Variants in KCNK13 observed in about 807,000 individuals in gnomAD.
KCNK13 encodes the protein potassium two pore domain channel subfamily K member 13, also known as potassium channel subfamily K member 13.
Under a neutral mutation model 23.4 loss-of-function variants are expected in KCNK13, and 12 were observed. The observed-to-expected ratio is 0.51, with a 90% CI of 0.33 to 0.83. The LOEUF (loss-of-function observed/expected upper bound fraction) is 0.83. KCNK13 is among the 40% of genes least tolerant of loss of function. The probability of loss-of-function intolerance (pLI) is 0.02; values close to 1 mark genes in which losing one functional copy is unlikely to be tolerated. For missense variants in KCNK13, 463 were observed against 556.3 expected, an observed-to-expected ratio of 0.83 and a Z score of 1.69; for synonymous variants, 231 against 229.5, an observed-to-expected ratio of 1.01 and a Z score of -0.06.
intron 1 of KCNK13, among the ~76,000 whole-genome samples, chr14:90,163,597 T>G (rs776463607): frequency 5.3e-5 from 8 of 152,210 alleles, no homozygotes; most frequent in Non-Finnish European, 1.0e-4. Context: ...GCACATCAGG[T>G]GCAGGATGAA....
chr14:90,170,059 A>G (rs1754800523), intron 1 of KCNK13, among the ~76,000 whole-genome samples: 2 of 152,182 alleles, frequency 1.3e-5, no homozygotes, highest in Admixed American at 1.3e-4. Context: ...CCAAACCCAC[A>G]AGCATGGAAA....
intron 1 of KCNK13, among the ~76,000 whole-genome samples, chr14:90,101,078 G>A (rs1014467496): frequency 3.9e-5 from 6 of 152,088 alleles, no homozygotes; most frequent in Admixed American, 3.3e-4. Flanking sequence ...TATGTCATTC[G>A]AGGTACTTCA....
intron 1 of KCNK13, among the ~76,000 whole-genome samples, chr14:90,073,630 A>G (rs1384532096): frequency 6.6e-6 from 1 of 152,084 alleles, no homozygotes; most frequent in African/African-American, 2.4e-5. Flanking sequence ...GGGCTGCCTC[A>G]AGGGCCAAGA....
intron 1 of KCNK13, among the ~76,000 whole-genome samples, chr14:90,112,006 C>T (rs1335115217): frequency 1.3e-5 from 2 of 152,160 alleles, no homozygotes; most frequent in African/African-American, 2.4e-5. Flanking sequence ...TTGGGGCTGG[C>T]CCCACCCTGA....
At chr14:90,163,141 G>A (rs1890268466) in intron 1 of KCNK13, among the ~76,000 whole-genome samples, 2 of 152,182 alleles carry the variant, frequency 1.3e-5, no homozygotes, top group Non-Finnish European at 1.5e-5. Flanking sequence ...CTCCACATCT[G>A]GCATGTAGTA....
At chr14:90,177,766 C>T (rs1596812416) in intron 1 of KCNK13, among the ~76,000 whole-genome samples, 1 of 152,258 alleles carries the variant, frequency 6.6e-6, no homozygotes, top group Non-Finnish European at 1.5e-5. Flanking sequence ...GCATCATATT[C>T]TAAAGTCACC....
At chr14:90,150,396 A>T (rs74080616) in intron 1 of KCNK13, among the ~76,000 whole-genome samples, 9,877 of 152,184 alleles carry the variant, frequency 0.065, 412 homozygotes, top group South Asian at 0.21. Context: ...AAGGACTGTT[A>T]GCGGCCAGGA....
At chr14:90,127,345 G>A (rs1889812805) in intron 1 of KCNK13, among the ~76,000 whole-genome samples, 1 of 152,084 alleles carries the variant, frequency 6.6e-6, no homozygotes, top group Non-Finnish European at 1.5e-5. Context: ...ATTTTCTGCA[G>A]GGAATGAAAC....
chr14:90,093,209 C>T (rs1410401530), intron 1 of KCNK13, among the ~76,000 whole-genome samples: 1 of 152,160 alleles, frequency 6.6e-6, no homozygotes, highest in East Asian at 1.9e-4. Flanking sequence ...GAAAGAGAGG[C>T]AGATCCGCTT....
chr14:90,106,617 ATTT>A (rs2045799679), intron 1 of KCNK13, among the ~76,000 whole-genome samples: 1 of 152,142 alleles, frequency 6.6e-6, no homozygotes, highest in South Asian at 2.1e-4. Flanking sequence ...TTTTATAAAT[ATTT>A]ATTATCCTGA....
chr14:90,072,126 CTT>C (rs1881462440), intron 1 of KCNK13, among the ~76,000 whole-genome samples: 1 of 152,112 alleles, frequency 6.6e-6, no homozygotes, highest in South Asian at 2.1e-4. Context: ...TTTTTTGCCT[CTT>C]TTGGTTCAGC....
At chr14:90,137,300 T>A (rs1270389536) in intron 1 of KCNK13, among the ~76,000 whole-genome samples, 3 of 151,452 alleles carry the variant, frequency 2.0e-5, no homozygotes, top group African/African-American at 7.3e-5. Flanking sequence ...TTATTTTATT[T>A]TATTATTTAT....
chr14:90,178,231 C>CAAAAGA (rs1890444842), intron 1 of KCNK13, among the ~76,000 whole-genome samples: 2 of 75,072 alleles, frequency 2.7e-5, no homozygotes, highest in African/African-American at 9.0e-5. Flanking sequence ...TTCCTAAAAG[C>CAAAAGA]AAAAAAAAAA....
intron 1 of KCNK13, among the ~76,000 whole-genome samples, chr14:90,064,969 C>A (rs946315050): frequency 6.6e-6 from 1 of 152,020 alleles, no homozygotes; most frequent in Non-Finnish European, 1.5e-5. Context: ...GCATAACACT[C>A]CCCCGTTATA....
chr14:90,185,046 G>A lies in KCNK13; in HGVS notation c.*43G>A, dbSNP rs755353141. ...TGGGCAGAGGCCAGAGTAGAATGGA[G>A]GATGATTGCCGCCCAGGGGACGAGC... On this transcript the variant is annotated 3_prime_UTR_variant, in exon 2 of 2. Coordinates refer to ENST00000282146, the MANE Select transcript of KCNK13 (RefSeq NM_022054.4). 2 of 1,483,096 alleles carry A rather than the reference G, an allele frequency of 1.3e-6. No homozygotes were observed. The highest frequency in any genetic ancestry group is 2.8e-5 in the African/African-American group (2 of 71,832). The allele number at this position is 1,483,096 out of a possible 1,614,324, so 91.9% of individuals were successfully genotyped here.
At chr14:90,125,930 G>A (rs1889794508) in intron 1 of KCNK13, among the ~76,000 whole-genome samples, 1 of 151,772 alleles carries the variant, frequency 6.6e-6, no homozygotes, top group African/African-American at 2.4e-5. Context: ...ATGCTGAGAT[G>A]GGAGGATCAC....
rs143649826 is a variant in KCNK13 at position 90,115,320 on chromosome 14, G to A, written c.334+52781G>A. Among the ~76,000 whole-genome samples the A allele has an allele frequency of 9.9e-4, 150 of 152,266 alleles. 1 individual carries two copies. The highest frequency in any genetic ancestry group is 2.7e-3 in the Admixed American group (41 of 15,304). ...CACATGATTCTGGAAGAGCCAGCCC[G>A]CTCCTGCTGGTCACTGGGCTCCACT... On this transcript the variant is annotated intron_variant, in intron 1 of 1. Transcript: ENST00000282146.
At chr14:90,174,410 C>A (rs909019561) in intron 1 of KCNK13, among the ~76,000 whole-genome samples, 7 of 152,184 alleles carry the variant, frequency 4.6e-5, no homozygotes, top group African/African-American at 1.4e-4. Flanking sequence ...CCCCATGATC[C>A]AATCACCTCC....
chr14:90,122,912 C>T lies in KCNK13; in HGVS notation c.334+60373C>T, dbSNP rs376468840. 4.6e-5 allele frequency among the ~76,000 whole-genome samples: 7 copies of T among 152,268 alleles called. No individual in the cohort carries two copies. In the South Asian group the frequency reaches 1.0e-3, roughly 23 times the overall value. ...AAAGATCTGGGTAGATTTCCCAGCA[C>T]GGTTCCGTCACACACTATCTCAGCA... On this transcript the variant is annotated intron_variant, in intron 1 of 1. Coordinates refer to ENST00000282146, the MANE Select transcript of KCNK13 (RefSeq NM_022054.4).
Sources: gnomAD v4.1 joint callset for allele counts (sites outside exome capture counted in the v4.1 genomes callset) on GRCh38, gnomAD v4.1.1 for gene constraint, MANE v1.5 for transcripts, NCBI Gene and HGNC (gene_info 2026-07-23, HGNC 2026-07-21) for gene names.